NAALADL2: variants seen among roughly 807,000 people sequenced by gnomAD.
NAALADL2 encodes inactive N-acetylated-alpha-linked acidic dipeptidase-like protein 2.
NAALADL2 carries 76 observed loss-of-function variants against 87.2 expected under a neutral mutation model. That is an observed-to-expected ratio of 0.87 (90% CI 0.72 to 1.05). The LOEUF is 1.05. Ranked by LOEUF, NAALADL2 falls within the 50% of genes least tolerant of loss-of-function variation. The pLI is 0.00. For synonymous variants in NAALADL2, 354 were observed against 331.0 expected, an observed-to-expected ratio of 1.07 and a Z score of -0.75; for missense variants, 1,089 against 945.8, an observed-to-expected ratio of 1.15 and a Z score of -1.99.
intron 1 of NAALADL2, among the ~76,000 whole-genome samples, chr3:174,903,004 A>T (rs562821491): frequency 6.6e-6 from 1 of 152,262 alleles, no homozygotes; most frequent in African/African-American, 2.4e-5. Flanking sequence ...GATACTTGCC[A>T]AAATTATATG....
chr3:175,779,740 G>T (rs530474439), intron 13 of NAALADL2, among the ~76,000 whole-genome samples: 1 of 152,282 alleles, frequency 6.6e-6, no homozygotes, highest in African/African-American at 2.4e-5. Context: ...AAGACAGGCT[G>T]CTGTGGAAAT....
chr3:174,559,912 C>T (rs747454370), intron 2 of NAALADL2, among the ~76,000 whole-genome samples: 13 of 152,180 alleles, frequency 8.5e-5, no homozygotes, highest in South Asian at 2.1e-4. Context: ...GCATTGTACA[C>T]GGAATCAGCT....
chr3:175,236,789 C>T (rs567400946), intron 3 of NAALADL2, among the ~76,000 whole-genome samples: 6 of 152,168 alleles, frequency 3.9e-5, no homozygotes, highest in African/African-American at 7.2e-5. Context: ...GAGTATTGTA[C>T]GTAATTGTAT....
At chr3:175,067,158 A>G (rs1407414979) in intron 1 of NAALADL2, among the ~76,000 whole-genome samples, 2 of 152,166 alleles carry the variant, frequency 1.3e-5, no homozygotes, top group Non-Finnish European at 1.5e-5. Context: ...AAAACATAGG[A>G]GACACCATTC....
chr3:174,593,693 A>G (rs1418590552), intron 2 of NAALADL2, among the ~76,000 whole-genome samples: 2 of 152,134 alleles, frequency 1.3e-5, no homozygotes, highest in Admixed American at 6.5e-5. Flanking sequence ...ATCCTTGTAT[A>G]TAGCCTATTT....
rs547854992 is a variant in NAALADL2, at chr3:175,774,886, C to A, written c.2189+19468C>A. 4 of 151,982 alleles carry A rather than the reference C, an allele frequency of 2.6e-5. No homozygotes were observed. In the South Asian group the frequency reaches 8.3e-4, roughly 31 times the overall value. The allele number at this position is 151,982 out of a possible 1,614,324, so 9.4% of individuals were successfully genotyped here. A position where few individuals can be genotyped will look rare whatever the true frequency, so the allele number is the denominator to read the frequency against. ...AATAATAAAATGACTTCATTGATTT[C>A]TTTTTTATGTAGTTTAATGTACTAC... On this transcript the variant is annotated intron_variant, in intron 13 of 13. Transcript: ENST00000454872.
chr3:175,129,041 T>A (rs956473740), intron 2 of NAALADL2, among the ~76,000 whole-genome samples: 1 of 151,980 alleles, frequency 6.6e-6, no homozygotes, highest in African/African-American at 2.4e-5. Context: ...CAGATTCAAG[T>A]GATTCTCCTG....
chr3:174,940,769 C>A (rs114546673), intron 1 of NAALADL2, among the ~76,000 whole-genome samples: 4,357 of 152,130 alleles, frequency 0.029, 79 homozygotes, highest in Non-Finnish European at 0.041. Flanking sequence ...AGGAATTTAT[C>A]CATATCTTCT....
chr3:175,709,628 C>A (rs1253260136), intron 11 of NAALADL2, among the ~76,000 whole-genome samples: 1 of 148,298 alleles, frequency 6.7e-6, no homozygotes, highest in Non-Finnish European at 1.5e-5. Flanking sequence ...CAATCATTCT[C>A]TTTGTATATG....
intron 2 of NAALADL2, among the ~76,000 whole-genome samples, chr3:175,141,254 G>A (rs536108622): frequency 4.6e-5 from 7 of 152,098 alleles, no homozygotes; most frequent in South Asian, 2.1e-4. Flanking sequence ...GCTACAAAAT[G>A]TGTTATCAAC....
chr3:175,394,808 T>C (rs754856905), intron 5 of NAALADL2, among the ~76,000 whole-genome samples: 19 of 152,308 alleles, frequency 1.2e-4, no homozygotes, highest in Middle Eastern at 3.4e-3. Context: ...GCACTAATCA[T>C]ATACTGTGAC....
intron 3 of NAALADL2, among the ~76,000 whole-genome samples, chr3:174,745,089 A>G (rs1734121410): frequency 1.3e-5 from 2 of 152,080 alleles, no homozygotes; most frequent in Non-Finnish European, 2.9e-5. Flanking sequence ...ACAAGAAATA[A>G]CTAAGATCAG....
upstream of NAALADL2, among the ~76,000 whole-genome samples, chr3:174,855,082 G>A (rs1041624313): frequency 3.3e-5 from 5 of 151,828 alleles, no homozygotes; most frequent in East Asian, 3.9e-4. Flanking sequence ...CAGGTGATCC[G>A]CCCGCCTTGG....
intron 9 of NAALADL2, among the ~76,000 whole-genome samples, chr3:175,498,206 C>T (rs918441054): frequency 3.3e-5 from 5 of 151,842 alleles, no homozygotes; most frequent in Admixed American, 3.3e-4. Flanking sequence ...TAGAAAATAG[C>T]CTCAAAAGGA....
intron 13 of NAALADL2, among the ~76,000 whole-genome samples, chr3:175,769,099 C>A (rs955551094): frequency 1.2e-4 from 19 of 152,204 alleles, no homozygotes; most frequent in Admixed American, 1.2e-3. Flanking sequence ...AATCTTACTA[C>A]CTTTCTTACC....
At chr3:175,094,125 T>A (rs9831562) in intron 1 of NAALADL2, among the ~76,000 whole-genome samples, 79,338 of 150,852 alleles carry the variant, frequency 0.53, 20,788 homozygotes, top group Non-Finnish European at 0.55. Context: ...CAATGTTTTT[T>A]AAAAAAAAAC....
At chr3:175,387,064 G>T (rs1184892931) in intron 5 of NAALADL2, among the ~76,000 whole-genome samples, 2 of 152,020 alleles carry the variant, frequency 1.3e-5, no homozygotes, top group Non-Finnish European at 2.9e-5. Context: ...ACTGTGAAGT[G>T]GGAAAATTTT....
At chr3:175,589,783 C>T (rs1721097310) in intron 10 of NAALADL2, among the ~76,000 whole-genome samples, 1 of 133,914 alleles carries the variant, frequency 7.5e-6, no homozygotes, top group African/African-American at 2.8e-5. Context: ...TATTTAAGCC[C>T]CTTGACAAAA....
At chr3:175,354,820 A>G (rs1022665316) in intron 5 of NAALADL2, among the ~76,000 whole-genome samples, 1 of 150,980 alleles carries the variant, frequency 6.6e-6, no homozygotes, top group African/African-American at 2.4e-5. Context: ...GCCCAGTTGC[A>G]TATATTACTC....
Sources: allele counts gnomAD v4.1 joint callset (sites outside exome capture counted in the v4.1 genomes callset), GRCh38; gene constraint gnomAD v4.1.1; transcripts MANE v1.5; gene names NCBI Gene and HGNC (gene_info 2026-07-23, HGNC 2026-07-21).